RNLS: variants seen among roughly 807,000 people sequenced by gnomAD.
The protein encoded by RNLS is renalase.
RNLS carries 39 observed loss-of-function variants against 39.8 expected under a neutral mutation model. The observed-to-expected ratio is 0.98, with a 90% confidence interval of 0.76 to 1.28. The LOEUF (loss-of-function observed/expected upper bound fraction) is 1.28, where lower values mean the gene tolerates loss of function less well. RNLS is among the 50% of genes most tolerant of loss of function. The probability of loss-of-function intolerance (pLI) is 0.00; values close to 1 mark genes in which losing one functional copy is unlikely to be tolerated. For missense variants in RNLS, 410 were observed against 413.3 expected (o/e 0.99, Z 0.07); for synonymous variants, 147 against 150.7 (o/e 0.98, Z 0.18).
the RNLS span, among the ~76,000 whole-genome samples, chr10:88,219,034 G>A: frequency 6.6e-6 from 1 of 152,140 alleles, no homozygotes; most frequent in South Asian, 2.1e-4. Flanking sequence ...CTACTTCTTG[G>A]GTAACTAATT....
chr10:88,396,577 TA>T (rs1267270723), intron 4 of RNLS, among the ~76,000 whole-genome samples: 2 of 151,012 alleles, frequency 1.3e-5, no homozygotes, highest in African/African-American at 4.9e-5. Context: ...AATAGGGGAA[TA>T]AAAAATGACT....
chr10:88,486,323 G>A (rs1486249065), intron 4 of RNLS, among the ~76,000 whole-genome samples: 1 of 152,104 alleles, frequency 6.6e-6, no homozygotes, highest in Non-Finnish European at 1.5e-5. Flanking sequence ...AAGATTTCAT[G>A]ACAAAGATGC....
At chr10:88,376,521 A>ATTCTC (rs754629260) in intron 4 of RNLS, among the ~76,000 whole-genome samples, 17 of 152,170 alleles carry the variant, frequency 1.1e-4, no homozygotes, top group Non-Finnish European at 2.4e-4. Flanking sequence ...AATGAATATT[A>ATTCTC]TTCTCTTGCA....
rs1851650621 is a variant in RNLS, at chr10:88,383,065, T to A, written c.527-20340A>T. ...CGGTGCTTTGTGGAACATCTTTAAATCTATCATGTGTAATTGAAACAGTAG... is the reference window on the plus strand; with the variant it reads ...CGGTGCTTTGTGGAACATCTTTAAAACTATCATGTGTAATTGAAACAGTAG... On this transcript the variant is annotated intron_variant, in intron 4 of 6. Transcript: ENST00000331772. Among the ~76,000 whole-genome samples the A allele has an allele frequency of 3.3e-5, 5 of 152,252 alleles. No individual in the cohort carries two copies. The South Asian group carries it at 1.0e-3, about 32-fold the overall frequency.
rs187586906 is a variant in RNLS, at chr10:88,322,816, T to C, written c.701-8175A>G. ...AGGTGTGAAGAAGATATAAAAGTAATACAAATAGGAAAAGAAGAAGTAGAA... is the reference window on the plus strand; with the variant it reads ...AGGTGTGAAGAAGATATAAAAGTAACACAAATAGGAAAAGAAGAAGTAGAA... On this transcript the variant is annotated intron_variant, in intron 5 of 6. Transcript: ENST00000331772. Among the ~76,000 whole-genome samples, 336 of 152,160 alleles carry C rather than the reference T, an allele frequency of 2.2e-3. 4 individuals carry two copies. The highest frequency in any genetic ancestry group is 7.7e-3 in the African/African-American group (318 of 41,502).
In RNLS at chr10:88,377,009, TATTC is replaced by T. The variant is rs1218527647; in HGVS notation, c.527-14288_527-14285del. 3.3e-5 allele frequency among the ~76,000 whole-genome samples: 5 copies of T among 151,494 alleles called. No individual in the cohort carries two copies. The Admixed American group carries it at 3.3e-4, about 10-fold the overall frequency. On this transcript the variant is annotated intron_variant, in intron 4 of 6. Transcript: ENST00000331772. ...AAATATCAAACCATTTATTATAAAT[TATTC>T]ATTAAACGTAGTGAATTATTTTATA...
chr10:88,406,428 T>C (rs540443531), intron 4 of RNLS, among the ~76,000 whole-genome samples: 1 of 152,226 alleles, frequency 6.6e-6, no homozygotes, highest in Non-Finnish European at 1.5e-5. Flanking sequence ...TTTCTTATTC[T>C]TTTTTCTTTG....
chr10:88,280,148 T>C (rs754215148), downstream of RNLS, among the ~76,000 whole-genome samples: 2 of 152,172 alleles, frequency 1.3e-5, no homozygotes, highest in Non-Finnish European at 2.9e-5. Context: ...ATTGTTATTA[T>C]TTACTAAGTA....
chr10:88,364,010 T>C (rs1348067128), intron 4 of RNLS, among the ~76,000 whole-genome samples: 1 of 152,018 alleles, frequency 6.6e-6, no homozygotes, highest in East Asian at 1.9e-4. Context: ...CTTAGGAAAA[T>C]GGGACAGTGT....
intron 4 of RNLS, among the ~76,000 whole-genome samples, chr10:88,460,929 G>A (rs979396340): frequency 1.3e-5 from 2 of 152,042 alleles, no homozygotes; most frequent in Admixed American, 1.3e-4. Context: ...TCAGGGAAGA[G>A]GCCTGTCTAT....
intron 5 of RNLS, chr10:88,343,561 T>C (rs1848111677): frequency 1.0e-6 from 1 of 984,918 alleles, no homozygotes; most frequent in Non-Finnish European, 1.2e-6. Context: ...CTCTCAAAAA[T>C]ATATTCTGAA....
At chr10:88,538,979 CT>C (rs1847911537) in intron 4 of RNLS, among the ~76,000 whole-genome samples, 1 of 152,136 alleles carries the variant, frequency 6.6e-6, no homozygotes, top group Admixed American at 6.6e-5. Context: ...AAGAGTCCCT[CT>C]TTAATGGGGT....
chr10:88,181,115 G>A, the RNLS span, among the ~76,000 whole-genome samples: 4 of 152,134 alleles, frequency 2.6e-5, no homozygotes, highest in Admixed American at 6.5e-5. Flanking sequence ...AATTTCTTGG[G>A]TTATCAGATG....
intron 4 of RNLS, among the ~76,000 whole-genome samples, chr10:88,524,253 C>G (rs568329522): frequency 8.5e-5 from 13 of 152,220 alleles, no homozygotes; most frequent in African/African-American, 2.6e-4. Context: ...CTGGCGCCTT[C>G]CAACCTCAAT....
chr10:88,568,075 C>T (rs1849615422), intron 4 of RNLS, among the ~76,000 whole-genome samples: 1 of 152,140 alleles, frequency 6.6e-6, no homozygotes, highest in Non-Finnish European at 1.5e-5. Flanking sequence ...CTTGACGGGC[C>T]AGGGTCAGTG....
At chr10:88,319,122 C>A (rs1845984788) in intron 5 of RNLS, among the ~76,000 whole-genome samples, 1 of 152,112 alleles carries the variant, frequency 6.6e-6, no homozygotes, top group Non-Finnish European at 1.5e-5. Context: ...ATTGCTACAA[C>A]AAGCAGCATC....
At chr10:88,174,309 TTCTTGTTCCAGATCTTAGATG>T in the RNLS span, among the ~76,000 whole-genome samples, 3 of 152,162 alleles carry the variant, frequency 2.0e-5, no homozygotes, top group Non-Finnish European at 2.9e-5. Context: ...GCAGTGAAAG[TTCTTGTTCCAGATCTTAGATG>T]TCTTGTTCCA....
chr10:88,256,451 G>C, the RNLS span, among the ~76,000 whole-genome samples: 4,455 of 152,336 alleles, frequency 0.029, 82 homozygotes, highest in African/African-American at 0.043. Context: ...ATGTGAAAGA[G>C]AGCAAGTTAT....
At chr10:88,559,401 T>C (rs1230060432) in intron 4 of RNLS, among the ~76,000 whole-genome samples, 1 of 152,132 alleles carries the variant, frequency 6.6e-6, no homozygotes, top group Non-Finnish European at 1.5e-5. Context: ...GTATTTTTGA[T>C]GAACTAAGAC....
Sources: gnomAD v4.1 joint callset for allele counts (sites outside exome capture counted in the v4.1 genomes callset) on GRCh38, gnomAD v4.1.1 for gene constraint, MANE v1.5 for transcripts, NCBI Gene and HGNC (gene_info 2026-07-23, HGNC 2026-07-21) for gene names.